RYR2: variants seen among roughly 807,000 people sequenced by gnomAD.
The protein encoded by RYR2 is cardiac muscle ryanodine receptor-calcium release channel.
Under a neutral mutation model 601.1 loss-of-function variants are expected in RYR2, and 227 were observed. That is an observed-to-expected ratio of 0.38 (90% CI 0.34 to 0.42). The LOEUF is 0.42. Among genes scored for constraint, RYR2 ranks in the 10% least tolerant of loss-of-function variants. The pLI is 1.00. For missense variants in RYR2, 4,646 were observed against 6,156.5 expected, an observed-to-expected ratio of 0.75 and a Z score of 8.21; for synonymous variants, 2,223 against 2,175.1, an observed-to-expected ratio of 1.02 and a Z score of -0.61.
chr1:237,800,094 G>C (rs1659782147), intron 97 of RYR2: 2 of 152,170 alleles, frequency 1.3e-5, no homozygotes, highest in Admixed American at 6.5e-5. Flanking sequence ...TGAGTGCTGT[G>C]TGATACTGAT....
chr1:237,131,263 ATCAACTCAACTTC>A (rs1672142222), intron 1 of RYR2, among the ~76,000 whole-genome samples: 1 of 152,046 alleles, frequency 6.6e-6, no homozygotes, highest in Non-Finnish European at 1.5e-5. Flanking sequence ...TGTATACTAG[ATCAACTCAACTTC>A]TCACACTAAT....
rs1468696638 is a variant in RYR2 at position 237,775,595 on chromosome 1, AGGGGG to A, written c.11775+1948_11775+1952del. Among the ~76,000 whole-genome samples the A allele has an allele frequency of 2.0e-5, 3 of 152,344 alleles. No homozygotes were observed. In the East Asian group the frequency reaches 5.8e-4, roughly 29 times the overall value. On this transcript the variant is annotated intron_variant, in intron 87 of 104. Coordinates refer to ENST00000366574, the MANE Select transcript of RYR2 (RefSeq NM_001035.3). ...TCTACTAACTATAGAAAGTTATATA[AGGGGG>A]AGATCCAACACCATTGAAATAAATG...
At position 237,412,522 on chromosome 1, in the gene RYR2, T is replaced by C. The variant is rs142955655; in HGVS notation, c.774-4527T>C. Among the ~76,000 whole-genome samples, 362 of 152,330 alleles carry C rather than the reference T, an allele frequency of 2.4e-3. 4 individuals carry two copies. The highest frequency in any genetic ancestry group is 8.3e-3 in the African/African-American group (346 of 41,578). On this transcript the variant is annotated intron_variant, in intron 10 of 104. Transcript: ENST00000366574. ...AGTGACTTTGACTTTGTCTGGTTTA[T>C]GAGATTAAAGTTTTTAAACAAAATT...
At chr1:237,352,524 A>G (rs188367421) in intron 3 of RYR2, among the ~76,000 whole-genome samples, 7 of 152,286 alleles carry the variant, frequency 4.6e-5, no homozygotes, top group Admixed American at 3.3e-4. Context: ...TTCTCTTCCA[A>G]TTGATCAGGT....
At chr1:237,152,603 A>C (rs1322488603) in intron 1 of RYR2, among the ~76,000 whole-genome samples, 1 of 152,202 alleles carries the variant, frequency 6.6e-6, no homozygotes, top group African/African-American at 2.4e-5. Context: ...TCTAATCATC[A>C]GTGATGTTGA....
chr1:237,435,516 A>T (rs746971154), intron 12 of RYR2, among the ~76,000 whole-genome samples: 13 of 152,202 alleles, frequency 8.5e-5, no homozygotes. Flanking sequence ...TTTTTGCAGT[A>T]GTCTTTTCTC....
At chr1:237,569,452 C>A (rs369936811) in intron 29 of RYR2, 133 bp downstream of exon 29, 4 of 763,128 alleles carry the variant, frequency 5.2e-6, no homozygotes, top group Non-Finnish European at 8.7e-6. Flanking sequence ...CGTGAGGGTG[C>A]CTTGTGACTG....
At chr1:237,461,742 A>C (rs1659505793) in intron 16 of RYR2, among the ~76,000 whole-genome samples, 1 of 151,864 alleles carries the variant, frequency 6.6e-6, no homozygotes. Flanking sequence ...AAAAAAAAAA[A>C]CATTTATATA....
At chr1:237,627,567 T>A (rs148263301) in intron 40 of RYR2, among the ~76,000 whole-genome samples, 1 of 152,314 alleles carries the variant, frequency 6.6e-6, no homozygotes, top group African/African-American at 2.4e-5. Context: ...GCTTATTTAA[T>A]TATAAGAATG....
intron 1 of RYR2, among the ~76,000 whole-genome samples, chr1:237,200,979 C>T (rs1234589233): frequency 1.3e-5 from 2 of 152,294 alleles, no homozygotes; most frequent in East Asian, 3.9e-4. Flanking sequence ...GTGTGTCAGT[C>T]ACATAAGAGT....
chr1:237,584,933 G>T (rs1017594361), intron 29 of RYR2, among the ~76,000 whole-genome samples: 1 of 151,594 alleles, frequency 6.6e-6, no homozygotes, highest in Non-Finnish European at 1.5e-5. Flanking sequence ...TAGAATCAGG[G>T]TCTCGCCATG....
intron 1 of RYR2, among the ~76,000 whole-genome samples, chr1:237,111,713 C>T (rs1373219500): frequency 2.0e-5 from 3 of 151,618 alleles, no homozygotes; most frequent in Non-Finnish European, 4.4e-5. Flanking sequence ...TTGGGATTCT[C>T]TTTAGTTTTT....
At chr1:237,284,714 A>C (rs927219321) in intron 2 of RYR2, among the ~76,000 whole-genome samples, 101 of 149,736 alleles carry the variant, frequency 6.7e-4, no homozygotes, top group African/African-American at 8.2e-4. Flanking sequence ...ACACCCCCCC[A>C]CACACACAGC....
At chr1:237,341,625 A>G (rs775200817) in intron 3 of RYR2, 4 of 516,092 alleles carry the variant, frequency 7.8e-6, no homozygotes, top group African/African-American at 7.7e-5. Flanking sequence ...CATCCAAGAC[A>G]ATGCATGTTA....
Position 237,710,921 on chromosome 1 carries a change from G to C in RYR2, c.10231-824G>C, listed in dbSNP as rs751793042. On this transcript the variant is annotated intron_variant, in intron 70 of 104. Transcript: ENST00000366574. Reference sequence around the variant, plus strand: ...TGCCAAAAAACAAAGATGAATTTTTGCTTTTTGCCTGTTGTTTTCCCTGTT... The same window carrying C: ...TGCCAAAAAACAAAGATGAATTTTTCCTTTTTGCCTGTTGTTTTCCCTGTT... Among the ~76,000 whole-genome samples the C allele has an allele frequency of 2.0e-5, 3 of 152,208 alleles. No individual in the cohort carries two copies. In the South Asian group the frequency reaches 6.2e-4, roughly 32 times the overall value.
chr1:237,764,156 C>G (rs1294548295), intron 84 of RYR2, among the ~76,000 whole-genome samples: 1 of 152,158 alleles, frequency 6.6e-6, no homozygotes, highest in East Asian at 1.9e-4. Flanking sequence ...AATGCATGAA[C>G]TTTTGATACC....
intron 1 of RYR2, among the ~76,000 whole-genome samples, chr1:237,253,456 C>T (rs951978633): frequency 1.3e-5 from 2 of 152,188 alleles, no homozygotes; most frequent in African/African-American, 4.8e-5. Flanking sequence ...CGTTTTCCAT[C>T]CATTATATTT....
intron 1 of RYR2, among the ~76,000 whole-genome samples, chr1:237,161,547 C>T (rs946700871): frequency 2.6e-5 from 4 of 151,022 alleles, no homozygotes; most frequent in Admixed American, 2.6e-4. Flanking sequence ...TATTAGACAT[C>T]TTTTTCATGT....
rs528232648 is a variant in RYR2, at chr1:237,369,171, G to A, written c.310-363G>A. Among the ~76,000 whole-genome samples the A allele has an allele frequency of 2.0e-5, 3 of 152,258 alleles. No homozygotes were observed. In the South Asian group the frequency reaches 6.2e-4, roughly 32 times the overall value. On this transcript the variant is annotated intron_variant, in intron 5 of 104. Coordinates refer to ENST00000366574, the MANE Select transcript of RYR2 (RefSeq NM_001035.3). ...TCTTGTATGTTCCGCATGCAGGTAGGCACCTGGAATACAATGGTGACTAAG... is the reference window on the plus strand; with the variant it reads ...TCTTGTATGTTCCGCATGCAGGTAGACACCTGGAATACAATGGTGACTAAG...
Sources: allele counts gnomAD v4.1 joint callset (sites outside exome capture counted in the v4.1 genomes callset), GRCh38; gene constraint gnomAD v4.1.1; transcripts MANE v1.5; gene names NCBI Gene and HGNC (gene_info 2026-07-23, HGNC 2026-07-21).